The following WWC2 variants were observed in gnomAD, a reference collection of about 807,000 sequenced individuals.
WWC2 encodes the protein protein WWC2.
Under a neutral mutation model 138.5 loss-of-function variants are expected in WWC2, and 101 were observed. The observed-to-expected ratio is 0.73, with a 90% CI of 0.62 to 0.86. The LOEUF (loss-of-function observed/expected upper bound fraction) is 0.86, where lower values mean the gene tolerates loss of function less well. Among genes scored for constraint, WWC2 ranks in the 40% least tolerant of loss-of-function variants. The pLI is 0.00. For missense variants in WWC2, 1,420 were observed against 1,419.4 expected, an observed-to-expected ratio of 1.00 and a Z score of -0.01; for synonymous variants, 558 against 538.4, an observed-to-expected ratio of 1.04 and a Z score of -0.50.
chr4:183,315,568 A>G, intron 22 of WWC2, 95 bp from the exon 23 acceptor site: 2 of 879,752 alleles, frequency 2.3e-6, no homozygotes, highest in South Asian at 1.7e-5. Flanking sequence ...TTGCAGAGAC[A>G]TCACTGCCAC....
At chr4:183,148,092 T>A (rs1733516947) in intron 1 of WWC2, among the ~76,000 whole-genome samples, 1 of 152,208 alleles carries the variant, frequency 6.6e-6, no homozygotes. Flanking sequence ...ACCTCCCGAG[T>A]ACAAAAGATA....
chr4:183,134,668 A>G (rs553384427), intron 1 of WWC2, among the ~76,000 whole-genome samples: 10 of 152,254 alleles, frequency 6.6e-5, no homozygotes, highest in African/African-American at 2.2e-4. Flanking sequence ...ATTTTTTCAC[A>G]TAATTCTCAT....
At chr4:183,301,703 T>C (rs1738844605) in intron 21 of WWC2, among the ~76,000 whole-genome samples, 1 of 152,232 alleles carries the variant, frequency 6.6e-6, no homozygotes, top group Non-Finnish European at 1.5e-5. Context: ...TATTTTTGCT[T>C]TGAGAATATT....
At chr4:183,262,757 G>T (rs1690762224) in intron 11 of WWC2, among the ~76,000 whole-genome samples, 1 of 152,168 alleles carries the variant, frequency 6.6e-6, no homozygotes, top group South Asian at 2.1e-4. Flanking sequence ...CACTGCTTCT[G>T]GGAAGGAGTA....
chr4:183,294,678 C>T (rs775004723), intron 21 of WWC2, among the ~76,000 whole-genome samples: 36 of 152,142 alleles, frequency 2.4e-4, no homozygotes, highest in African/African-American at 8.2e-4. Flanking sequence ...TTGGCAGATC[C>T]GAACAGTATG....
Position 183,271,079 on chromosome 4 carries a change from G to T in WWC2, c.2401-1G>T. The T allele has an allele frequency of 1.9e-6, 3 of 1,559,472 alleles. No individual in the cohort carries two copies. The highest frequency in any genetic ancestry group is 2.6e-6 in the Non-Finnish European group (3 of 1,152,254). On this transcript the variant is annotated splice_acceptor_variant, in intron 15 of 22. Coordinates refer to ENST00000403733, the MANE Select transcript of WWC2 (RefSeq NM_024949.6). LOFTEE classifies it high-confidence loss of function. ...TTCTTTGTTTTCTTTCACTTACATAGGCTGGAACTCAGATCAGCCTGGCAG... is the reference window on the plus strand; with the variant it reads ...TTCTTTGTTTTCTTTCACTTACATATGCTGGAACTCAGATCAGCCTGGCAG...
At chr4:183,262,892 A>G (rs1737376166) in intron 11 of WWC2, among the ~76,000 whole-genome samples, 1 of 152,074 alleles carries the variant, frequency 6.6e-6, no homozygotes, top group Admixed American at 6.5e-5. Context: ...ACACTACCCA[A>G]TCTCTCAGGA....
At chr4:183,102,529 A>G (rs1186674445) in intron 1 of WWC2, among the ~76,000 whole-genome samples, 1 of 152,194 alleles carries the variant, frequency 6.6e-6, no homozygotes, top group Non-Finnish European at 1.5e-5. Context: ...TGGAGCTAGG[A>G]TTTAAAGCCA....
At chr4:183,198,216 C>T (rs893784997) in intron 2 of WWC2, among the ~76,000 whole-genome samples, 6 of 151,508 alleles carry the variant, frequency 4.0e-5, no homozygotes, top group African/African-American at 7.3e-5. Context: ...AACAAACAAA[C>T]GAAAAGTAAT....
intron 21 of WWC2, among the ~76,000 whole-genome samples, chr4:183,304,179 G>A (rs1044617474): frequency 3.3e-5 from 5 of 152,044 alleles, no homozygotes; most frequent in South Asian, 2.1e-4. Context: ...GCAAACTACT[G>A]CCCCCAGAAT....
intron 1 of WWC2, among the ~76,000 whole-genome samples, chr4:183,152,181 T>C (rs1328465973): frequency 2.0e-5 from 3 of 152,100 alleles, no homozygotes; most frequent in Non-Finnish European, 2.9e-5. Context: ...GTTCTTCCTT[T>C]GGGTCTGGTT....
intron 1 of WWC2, among the ~76,000 whole-genome samples, chr4:183,132,445 G>T (rs1210171720): frequency 1.3e-5 from 2 of 151,638 alleles, no homozygotes; most frequent in Non-Finnish European, 2.9e-5. Context: ...TTTATAAAAA[G>T]ATTTTCTGTT....
At chr4:183,209,711 C>T (rs1735544988) in intron 4 of WWC2, among the ~76,000 whole-genome samples, 1 of 152,296 alleles carries the variant, frequency 6.6e-6, no homozygotes, top group South Asian at 2.1e-4. Flanking sequence ...TCAGACTTTA[C>T]TAGGTGCTCA....
chr4:183,121,314 G>C (rs1016183988), intron 1 of WWC2, among the ~76,000 whole-genome samples: 1 of 151,500 alleles, frequency 6.6e-6, no homozygotes, highest in Non-Finnish European at 1.5e-5. Flanking sequence ...GATCTGAAAT[G>C]CTTGGGACCG....
At chr4:183,205,180 G>A (rs1378583032) in intron 2 of WWC2, among the ~76,000 whole-genome samples, 4 of 152,174 alleles carry the variant, frequency 2.6e-5, no homozygotes, top group South Asian at 2.1e-4. Context: ...ATTCCCGGTA[G>A]CAATGAATGA....
intron 1 of WWC2, among the ~76,000 whole-genome samples, chr4:183,180,563 G>A (rs935567203): frequency 6.6e-6 from 1 of 152,064 alleles, no homozygotes; most frequent in Non-Finnish European, 1.5e-5. Context: ...ATTCATAGTA[G>A]CTAGAAGTGG....
intron 4 of WWC2, chr4:183,233,854 T>G (rs1273378121): frequency 2.0e-5 from 3 of 152,232 alleles, no homozygotes; most frequent in South Asian, 2.1e-4. Flanking sequence ...GAAGTGGTAG[T>G]CAGGAGAGGG....
At chr4:183,109,156 G>A (rs921643618) in intron 1 of WWC2, among the ~76,000 whole-genome samples, 41 of 152,166 alleles carry the variant, frequency 2.7e-4, no homozygotes, top group African/African-American at 9.4e-4. Context: ...CCTCATTTTA[G>A]CCCTCCAGCT....
Position 183,320,056 on chromosome 4 carries a change from C to T in WWC2, c.*4327C>T, listed in dbSNP as rs969647808. 1 of 1,614,106 alleles carries T rather than the reference C, an allele frequency of 6.2e-7. No individual in the cohort carries two copies. Among genetic ancestry groups the T allele is most frequent in the Non-Finnish European group, 8.5e-7 (1 of 1,180,038 alleles). ...TGCATCCCCACTTCCTCTTGGATGA[C>T]ACAGGTTTGCCAGAGTCCCATGGTC... On this transcript the variant is annotated 3_prime_UTR_variant, in exon 23 of 23. Coordinates refer to ENST00000403733, the MANE Select transcript of WWC2 (RefSeq NM_024949.6).
Sources: gnomAD v4.1 joint callset for allele counts (sites outside exome capture counted in the v4.1 genomes callset) on GRCh38, gnomAD v4.1.1 for gene constraint, MANE v1.5 for transcripts, NCBI Gene and HGNC (gene_info 2026-07-23, HGNC 2026-07-21) for gene names.